Variants in CALN1 observed in about 807,000 individuals in gnomAD.
The protein encoded by CALN1 is calneuron 1, also known as calcium-binding protein 8.
A neutral mutation model predicts 30.6 loss-of-function variants in CALN1; 17 were observed. The ratio of observed to expected loss-of-function variants is 0.56; its 90% confidence interval spans 0.38 to 0.83. The LOEUF (loss-of-function observed/expected upper bound fraction) is 0.83. Ranked by LOEUF, CALN1 falls within the 40% of genes least tolerant of loss-of-function variation. The pLI is 0.00. For synonymous variants in CALN1, 156 were observed against 131.4 expected (o/e 1.19, Z -1.28); for missense variants, 291 against 354.9 (o/e 0.82, Z 1.45).
At chr7:72,142,125 G>A (rs537897952) in intron 3 of CALN1, among the ~76,000 whole-genome samples, 2 of 152,272 alleles carry the variant, frequency 1.3e-5, no homozygotes, top group South Asian at 2.1e-4. Context: ...GACAGTGGGT[G>A]CAGGACAGTG....
intron 5 of CALN1, among the ~76,000 whole-genome samples, chr7:71,956,462 A>T (rs184541048): frequency 0.03 from 4,485 of 150,992 alleles, 83 homozygotes; most frequent in Non-Finnish European, 0.043. Flanking sequence ...TATTTTTTTT[A>T]AAAATTATTA....
At chr7:72,213,278 C>T (rs767783597) in intron 3 of CALN1, among the ~76,000 whole-genome samples, 5 of 152,334 alleles carry the variant, frequency 3.3e-5, no homozygotes, top group Non-Finnish European at 7.3e-5. Flanking sequence ...AAGCTGGAGA[C>T]AGGAAGTGGC....
At chr7:72,501,692 T>C in the CALN1 span, among the ~76,000 whole-genome samples, 3 of 150,674 alleles carry the variant, frequency 2.0e-5, no homozygotes, top group Non-Finnish European at 3.0e-5. Flanking sequence ...GGGCGGATCA[T>C]GAAGTCAGGA....
At chr7:72,451,363 G>A (rs569741943), upstream of CALN1, among the ~76,000 whole-genome samples, 157 of 123,508 alleles carry the variant, frequency 1.3e-3, no homozygotes, top group Non-Finnish European at 2.2e-3. Flanking sequence ...AGAAAAAGTA[G>A]AAAAAATAAG....
At chr7:71,906,088 C>A (rs1432129004) in intron 5 of CALN1, among the ~76,000 whole-genome samples, 1 of 152,190 alleles carries the variant, frequency 6.6e-6, no homozygotes, top group African/African-American at 2.4e-5. Flanking sequence ...CACCAAGTTC[C>A]TCCCTCAATA....
chr7:72,502,762 C>T, the CALN1 span, among the ~76,000 whole-genome samples: 5 of 152,158 alleles, frequency 3.3e-5, no homozygotes, highest in African/African-American at 1.2e-4. Flanking sequence ...CTGAGTGGCA[C>T]ACTAGGAAAA....
At chr7:72,391,119 G>A (rs1207130186) in intron 2 of CALN1, among the ~76,000 whole-genome samples, 1 of 152,082 alleles carries the variant, frequency 6.6e-6, no homozygotes, top group Non-Finnish European at 1.5e-5. Context: ...ATTGAGAGAG[G>A]ATGGAGTAAA....
chr7:71,848,685 G>C (rs1180349998), intron 5 of CALN1, among the ~76,000 whole-genome samples: 1 of 151,814 alleles, frequency 6.6e-6, no homozygotes, highest in African/African-American at 2.4e-5. Flanking sequence ...GACTGGGATA[G>C]AATTATTTTA....
chr7:71,835,265 A>G (rs1789536979), intron 5 of CALN1, among the ~76,000 whole-genome samples: 1 of 152,234 alleles, frequency 6.6e-6, no homozygotes, highest in Admixed American at 6.5e-5. Flanking sequence ...CAGATCACTA[A>G]TATGGCACTT....
chr7:72,241,322 G>C (rs1003818742), intron 3 of CALN1, among the ~76,000 whole-genome samples: 1 of 152,146 alleles, frequency 6.6e-6, no homozygotes, highest in African/African-American at 2.4e-5. Context: ...CATTTTTGGG[G>C]TGTCTTTATT....
chr7:72,391,001 C>A (rs955250653), intron 2 of CALN1, among the ~76,000 whole-genome samples: 1 of 152,156 alleles, frequency 6.6e-6, no homozygotes. Flanking sequence ...AAGAAGATTT[C>A]TTTGTACATT....
chr7:71,942,744 G>A (rs1215094684), intron 5 of CALN1, among the ~76,000 whole-genome samples: 1 of 151,850 alleles, frequency 6.6e-6, no homozygotes, highest in Non-Finnish European at 1.5e-5. Flanking sequence ...GATATAGAAG[G>A]GTATCTGTAG....
At chr7:71,913,183 G>A (rs2117011685) in intron 5 of CALN1, among the ~76,000 whole-genome samples, 1 of 152,332 alleles carries the variant, frequency 6.6e-6, no homozygotes, top group South Asian at 2.1e-4. Flanking sequence ...GAGGAAAAGT[G>A]AAAAGTAAAG....
chr7:72,401,734 G>GT (rs1344949118), intron 2 of CALN1, among the ~76,000 whole-genome samples: 3 of 152,208 alleles, frequency 2.0e-5, no homozygotes, highest in East Asian at 1.9e-4. Context: ...CATTTTTAAT[G>GT]TAACAGTGTG....
At chr7:72,453,142 G>T in the CALN1 span, among the ~76,000 whole-genome samples, 5 of 152,090 alleles carry the variant, frequency 3.3e-5, no homozygotes, top group Admixed American at 2.0e-4. Flanking sequence ...TAGTAATGCA[G>T]GGCAGGTGAA....
At chr7:72,336,409 G>A (rs530386746) in intron 2 of CALN1, among the ~76,000 whole-genome samples, 190 of 152,198 alleles carry the variant, frequency 1.2e-3, no homozygotes, top group African/African-American at 4.5e-3. Flanking sequence ...GCACGGTGCC[G>A]GGACAGCCGA....
chr7:72,141,291 TAAAAA>T (rs1304643460), intron 3 of CALN1, among the ~76,000 whole-genome samples: 1 of 150,800 alleles, frequency 6.6e-6, no homozygotes, highest in Admixed American at 6.6e-5. Context: ...GATCCTGTCT[TAAAAA>T]AAGAAAAGAA....
intron 3 of CALN1, among the ~76,000 whole-genome samples, chr7:72,170,471 T>A (rs543678030): frequency 5.3e-5 from 8 of 152,164 alleles, no homozygotes; most frequent in Non-Finnish European, 1.2e-4. Context: ...CAAAACAATC[T>A]TCAAAAAGAC....
intron 5 of CALN1, among the ~76,000 whole-genome samples, chr7:71,924,149 C>T (rs988031956): frequency 1.4e-5 from 2 of 146,406 alleles, no homozygotes; most frequent in South Asian, 2.1e-4. Flanking sequence ...GCCGAAATTG[C>T]GCCATTTCAC....
Sources: gnomAD v4.1 joint callset for allele counts (sites outside exome capture counted in the v4.1 genomes callset) on GRCh38, gnomAD v4.1.1 for gene constraint, MANE v1.5 for transcripts, NCBI Gene and HGNC (gene_info 2026-07-23, HGNC 2026-07-21) for gene names.